The following STX8 variants were observed in gnomAD, a reference collection of about 807,000 sequenced individuals.
STX8 encodes the protein syntaxin-8.
In STX8, 23 loss-of-function variants were observed where a neutral mutation model predicts 37.5. The ratio of observed to expected loss-of-function variants is 0.61; its 90% CI spans 0.44 to 0.87. The LOEUF (loss-of-function observed/expected upper bound fraction) is 0.87, where lower values mean the gene tolerates loss of function less well. Among genes scored for constraint, STX8 ranks in the 40% least tolerant of loss-of-function variants. STX8 has a pLI of 0.00. For missense variants in STX8, 313 were observed against 284.7 expected (o/e 1.10, Z -0.71); for synonymous variants, 115 against 99.1 (o/e 1.16, Z -0.95).
chr17:9,539,724 G>C (rs1378665797), intron 4 of STX8, among the ~76,000 whole-genome samples: 2 of 151,628 alleles, frequency 1.3e-5, no homozygotes, highest in African/African-American at 4.9e-5. Flanking sequence ...GGAATCCAGA[G>C]ATTAGAGAAG....
rs950716021 is a variant in STX8 at position 9,394,937 on chromosome 17, C to T, written c.542-16284G>A. On this transcript the variant is annotated intron_variant, in intron 6 of 7. Transcript: ENST00000306357. ...CTAAAAATACAAAAAAATAGCTGGG[C>T]GTAGTGGCGGGCGCCGTAATCCCAA... Among the ~76,000 whole-genome samples, 5 of 130,782 alleles carry T rather than the reference C, an allele frequency of 3.8e-5. 1 individual carries two copies. Among genetic ancestry groups the T allele is most frequent in the East Asian group, 2.1e-4 (1 of 4,690 alleles). 85.8% of individuals were successfully genotyped at this position (130,782 alleles called of 152,430 possible). A position where few individuals can be genotyped will look rare whatever the true frequency, so the allele number is the denominator to read the frequency against.
chr17:9,328,789 C>T (rs1287219577), intron 7 of STX8, among the ~76,000 whole-genome samples: 2 of 152,100 alleles, frequency 1.3e-5, no homozygotes, highest in African/African-American at 4.8e-5. Context: ...GTGGCTCACG[C>T]CTGTAATCCC....
chr17:9,491,730 A>T, intron 6 of STX8, 99 bp downstream of exon 6: 1 of 1,031,982 alleles, frequency 9.7e-7, no homozygotes, highest in South Asian at 1.6e-5. Flanking sequence ...ACATTAAACC[A>T]CTTTACATGT....
chr17:9,565,076 C>T (rs1233979283), intron 2 of STX8, among the ~76,000 whole-genome samples: 1 of 152,168 alleles, frequency 6.6e-6, no homozygotes, highest in Non-Finnish European at 1.5e-5. Flanking sequence ...GAAGTGGTGG[C>T]TCATGCCTGT....
chr17:9,417,022 G>C (rs1303456620), intron 6 of STX8, among the ~76,000 whole-genome samples: 2 of 152,164 alleles, frequency 1.3e-5, no homozygotes, highest in Non-Finnish European at 2.9e-5. Flanking sequence ...CCCAGAGGCT[G>C]ACTCAGTGCA....
intron 6 of STX8, among the ~76,000 whole-genome samples, chr17:9,482,197 C>T (rs757953476): frequency 1.3e-5 from 2 of 151,972 alleles, no homozygotes; most frequent in Non-Finnish European, 2.9e-5. Context: ...TTTTTTTAAT[C>T]GTCTTACAGC....
chr17:9,381,101 A>G (rs893675315), intron 6 of STX8, among the ~76,000 whole-genome samples: 2 of 152,214 alleles, frequency 1.3e-5, no homozygotes, highest in Non-Finnish European at 2.9e-5. Flanking sequence ...TACCATACAT[A>G]TAGCCTAGGC....
chr17:9,264,330 G>T (rs1484489343), intron 7 of STX8, among the ~76,000 whole-genome samples: 1 of 152,080 alleles, frequency 6.6e-6, no homozygotes, highest in African/African-American at 2.4e-5. Context: ...TTTGAGACAG[G>T]GTCTTACTCT....
intron 6 of STX8, among the ~76,000 whole-genome samples, chr17:9,417,701 C>A (rs1480052707): frequency 6.6e-5 from 10 of 152,138 alleles, no homozygotes; most frequent in Admixed American, 6.5e-4. Context: ...TCTTAGCCCC[C>A]AAACCCAACC....
At chr17:9,480,399 A>G (rs1906278583) in intron 6 of STX8, among the ~76,000 whole-genome samples, 1 of 151,690 alleles carries the variant, frequency 6.6e-6, no homozygotes, top group Non-Finnish European at 1.5e-5. Context: ...AGTTTATTTA[A>G]TCTAGATTAA....
chr17:9,370,328 CACATGTACT>C (rs1415285769), intron 7 of STX8, among the ~76,000 whole-genome samples: 1 of 152,178 alleles, frequency 6.6e-6, no homozygotes, highest in Non-Finnish European at 1.5e-5. Flanking sequence ...ACAGAACAAT[CACATGTACT>C]ACTAATTGCT....
chr17:9,342,637 A>G (rs1910401044), intron 7 of STX8, among the ~76,000 whole-genome samples: 1 of 151,986 alleles, frequency 6.6e-6, no homozygotes, highest in East Asian at 1.9e-4. Flanking sequence ...TGTGTTTATG[A>G]TAGTGGGGTG....
chr17:9,323,417 C>T (rs985963651), intron 7 of STX8, among the ~76,000 whole-genome samples: 4 of 152,250 alleles, frequency 2.6e-5, no homozygotes, highest in Middle Eastern at 3.4e-3. Context: ...ATTAAAAACA[C>T]GTCAAATAAC....
intron 2 of STX8, 145 bp from the exon 3 acceptor site, chr17:9,557,673 C>T: frequency 1.4e-6 from 1 of 693,950 alleles, no homozygotes; most frequent in South Asian, 1.7e-5. Flanking sequence ...ACGACAAACT[C>T]AGGGCTGGAA....
chr17:9,441,220 G>A lies in STX8; in HGVS notation c.541+50609C>T, dbSNP rs1009509358. ...AATTTAGTCAAATACGGCTGGGCAC[G>A]GTGGCTCACACCTGTAATCCCAGCA... On this transcript the variant is annotated intron_variant, in intron 6 of 7. Transcript: ENST00000306357. 7.2e-5 allele frequency among the ~76,000 whole-genome samples: 11 copies of A among 152,052 alleles called. 1 individual carries two copies. Among genetic ancestry groups the A allele is most frequent in the Admixed American group, 2.0e-4 (3 of 15,270 alleles).
At chr17:9,465,371 T>TA (rs1417160523) in intron 6 of STX8, among the ~76,000 whole-genome samples, 1 of 152,218 alleles carries the variant, frequency 6.6e-6, no homozygotes, top group Non-Finnish European at 1.5e-5. Flanking sequence ...GCTTCATGTC[T>TA]ACGTTACTGC....
chr17:9,491,285 C>G (rs916245099), intron 6 of STX8, among the ~76,000 whole-genome samples: 1 of 141,632 alleles, frequency 7.1e-6, no homozygotes, highest in African/African-American at 3.0e-5. Flanking sequence ...CCCTACAACC[C>G]ATCCAGGCCC....
chr17:9,406,373 G>A (rs904148221), intron 6 of STX8, among the ~76,000 whole-genome samples: 14 of 152,176 alleles, frequency 9.2e-5, no homozygotes, highest in African/African-American at 2.2e-4. Flanking sequence ...TTACTGGAGC[G>A]ATAACTGCTC....
intron 6 of STX8, among the ~76,000 whole-genome samples, chr17:9,478,114 G>A (rs1186144394): frequency 6.6e-6 from 1 of 152,170 alleles, no homozygotes; most frequent in African/African-American, 2.4e-5. Context: ...TTGCTTTCAA[G>A]CTCAGCTAAG....
Sources: allele counts gnomAD v4.1 joint callset (sites outside exome capture counted in the v4.1 genomes callset), GRCh38; gene constraint gnomAD v4.1.1; transcripts MANE v1.5; gene names NCBI Gene and HGNC (gene_info 2026-07-23, HGNC 2026-07-21).